Variants in SPOUT1 observed in about 807,000 individuals in gnomAD.
The protein encoded by SPOUT1 is 28S rRNA (uridine-N(3))-methyltransferase.
SPOUT1 carries 40 observed loss-of-function variants against 54.8 expected under a neutral mutation model. That is an observed-to-expected ratio of 0.73 (90% CI 0.57 to 0.95). The LOEUF (loss-of-function observed/expected upper bound fraction) is 0.95, where lower values mean the gene tolerates loss of function less well. Among genes scored for constraint, SPOUT1 ranks in the 40% least tolerant of loss-of-function variants. The probability of loss-of-function intolerance (pLI) is 0.00; values close to 1 mark genes in which losing one functional copy is unlikely to be tolerated. For missense variants in SPOUT1, 437 were observed against 499.5 expected (o/e 0.87, Z 1.19); for synonymous variants, 193 against 200.3 (o/e 0.96, Z 0.31).
chr9:128,821,575 AG>A lies in SPOUT1; in HGVS notation c.*1189del, dbSNP rs1401272687. The A allele has an allele frequency of 1.9e-5, 3 of 154,108 alleles. No individual in the cohort carries two copies. Among genetic ancestry groups the A allele is most frequent in the Non-Finnish European group, 2.9e-5 (2 of 69,624 alleles). 9.5% of individuals were successfully genotyped at this position (154,108 alleles called of 1,614,324 possible). Reference sequence around the variant, plus strand: ...TTGCTCCTGTGCAGCCCTGCCTCTCAGGTGGAAGCAACTGAGCACCTCTGGG... The same window carrying A: ...TTGCTCCTGTGCAGCCCTGCCTCTCAGTGGAAGCAACTGAGCACCTCTGGG... On this transcript the variant is annotated 3_prime_UTR_variant, in exon 12 of 12. Coordinates refer to ENST00000361256, the MANE Select transcript of SPOUT1 (RefSeq NM_016390.4).
chr9:128,822,525 T>C lies in SPOUT1; in HGVS notation c.*240A>G, dbSNP rs186499200. On this transcript the variant is annotated 3_prime_UTR_variant, in exon 12 of 12. Coordinates refer to ENST00000361256, the MANE Select transcript of SPOUT1 (RefSeq NM_016390.4). ...CGCTTCCTGGTGCCCATCGAGAGCA[T>C]TGAGCGGGCTTCGGGGCTGCTCTTT... 1.1e-4 allele frequency: 174 copies of C among 1,559,562 alleles called. No individual in the cohort carries two copies. The highest frequency in any genetic ancestry group is 8.1e-4 in the East Asian group (34 of 41,940).
chr9:128,828,397 G>A (rs757337737), intron 3 of SPOUT1, among the ~76,000 whole-genome samples: 1 of 151,818 alleles, frequency 6.6e-6, no homozygotes, highest in Non-Finnish European at 1.5e-5. Flanking sequence ...TCGGGGGGCC[G>A]AGGGAGGAAA....
At chr9:128,823,687 G>A (rs1450629925) in intron 11 of SPOUT1, 60 bp downstream of exon 11, 26 of 1,474,748 alleles carry the variant, frequency 1.8e-5, no homozygotes, top group African/African-American at 4.1e-5. Context: ...AGTAGCACCC[G>A]CCCCTCGGAC....
chr9:128,824,397 G>A (rs201593614), intron 9 of SPOUT1, among the ~76,000 whole-genome samples: 2 of 152,120 alleles, frequency 1.3e-5, no homozygotes, highest in East Asian at 3.9e-4. Flanking sequence ...GGGTAGAGCT[G>A]TTCCTGGAAA....
At chr9:128,823,626 G>A (rs1239505994) in intron 11 of SPOUT1, 121 bp downstream of exon 11, 18 of 848,184 alleles carry the variant, frequency 2.1e-5, no homozygotes, top group African/African-American at 3.4e-5. Flanking sequence ...GGGGATGAGA[G>A]GACCACCTCC....
Position 128,826,283 on chromosome 9 carries a change from G to C in SPOUT1, c.508+101C>G. 1 of 1,563,834 alleles carries C rather than the reference G, an allele frequency of 6.4e-7. No individual in the cohort carries two copies. The highest frequency in any genetic ancestry group is 1.1e-5 in the South Asian group (1 of 89,686). The stretch of plus-strand genomic sequence containing the variant: ...ATCAGACACAGGTCTTGCTCTCCCA[G>C]GCCTGCTTTCCCACCTGGACAGCGC... On this transcript the variant is annotated intron_variant, in intron 6 of 11. Coordinates refer to ENST00000361256, the MANE Select transcript of SPOUT1 (RefSeq NM_016390.4). The surrounding 1 kb of genome is among the most constrained non-coding windows in gnomAD (Gnocchi z 5.5).
intron 11 of SPOUT1, 38 bp from the exon 12 acceptor site, chr9:128,822,871 G>C: frequency 6.7e-7 from 1 of 1,481,950 alleles, no homozygotes; most frequent in Non-Finnish European, 9.2e-7. Context: ...GGGCCTGGGG[G>C]GCTAGCGGGT....
chr9:128,829,163 A>G lies in SPOUT1; in HGVS notation c.37-8T>C, dbSNP rs1264985944. 2.5e-6 allele frequency: 4 copies of G among 1,612,750 alleles called. No individual in the cohort carries two copies. Among genetic ancestry groups the G allele is most frequent in the Admixed American group, 3.3e-5 (2 of 59,994 alleles). On this transcript the variant is annotated splice_polypyrimidine_tract_variant and splice_region_variant and intron_variant, in intron 1 of 11. Transcript: ENST00000361256. Reference sequence around the variant, plus strand: ...CCTTTGGCCGTGTTCACCCTGGAGAAGGAGTGGTAGGAGGATTATGAGTGT... The same window carrying G: ...CCTTTGGCCGTGTTCACCCTGGAGAGGGAGTGGTAGGAGGATTATGAGTGT...
intron 1 of SPOUT1, 91 bp downstream of exon 1, chr9:128,829,654 G>T: frequency 1.0e-6 from 1 of 991,758 alleles, no homozygotes; most frequent in Non-Finnish European, 1.5e-6. Context: ...GCAGCAGGAG[G>T]CGCGGCCCGG....
chr9:128,820,891 T>C lies in SPOUT1; in HGVS notation c.*1874A>G, dbSNP rs2280845. On this transcript the variant is annotated 3_prime_UTR_variant, in exon 12 of 12. Transcript: ENST00000361256. ...GGGGCGGCAGAACCTCCCACTCACC[T>C]GAGGCCCCTACTGCCACTCACAGGG... 1,114,353 of 1,537,664 alleles carry C rather than the reference T, an allele frequency of 0.72. 410,645 individuals are homozygous for C. Among genetic ancestry groups the C allele is most frequent in the Admixed American group, 0.78 (41,300 of 52,694 alleles).
chr9:128,828,510 A>AG (rs397717418), intron 3 of SPOUT1, among the ~76,000 whole-genome samples: 35 of 142,278 alleles, frequency 2.5e-4, no homozygotes, highest in Non-Finnish European at 9.3e-5. Context: ...AAAAAAAAAA[A>AG]GAGAGATAAG....
Position 128,826,970 on chromosome 9 carries a change from G to A in SPOUT1, c.368+62C>T. On this transcript the variant is annotated intron_variant, in intron 4 of 11. Coordinates refer to ENST00000361256, the MANE Select transcript of SPOUT1 (RefSeq NM_016390.4). This position sits in a 1 kb window ranked among gnomAD's most constrained non-coding sequence, Gnocchi z 5.5. ...GTGGACGGGGCCATGGTGAAGCCTCGGCCCATCCCGGCAGCCCCTCCCTCT... is the reference window on the plus strand; with the variant it reads ...GTGGACGGGGCCATGGTGAAGCCTCAGCCCATCCCGGCAGCCCCTCCCTCT... 1 of 1,537,134 alleles carries A rather than the reference G, an allele frequency of 6.5e-7. No homozygotes were observed. Among genetic ancestry groups the A allele is most frequent in the Non-Finnish European group, 8.9e-7 (1 of 1,121,158 alleles).
rs1287987879 is a variant in SPOUT1, at chr9:128,822,105, T to C, written c.*660A>G. 1 of 593,334 alleles carries C rather than the reference T, an allele frequency of 1.7e-6. No individual in the cohort carries two copies. The highest frequency in any genetic ancestry group is 3.0e-6 in the Non-Finnish European group (1 of 335,296). The allele number at this position is 593,334 out of a possible 1,614,324, so 36.8% of individuals were successfully genotyped here. On this transcript the variant is annotated 3_prime_UTR_variant, in exon 12 of 12. Coordinates refer to ENST00000361256, the MANE Select transcript of SPOUT1 (RefSeq NM_016390.4). ...AGCGTTTATTGTCGCCCACTCTGCC[T>C]GACCCAGTGTTGGGCATAAGGAAAA...
Position 128,822,145 on chromosome 9 carries a change from T to C in SPOUT1, c.*620A>G. On this transcript the variant is annotated 3_prime_UTR_variant, in exon 12 of 12. Transcript: ENST00000361256. Reference sequence around the variant, plus strand: ...CATAAGGAAAACAGAGGGAAAGAGTTAACCACCCTGGAGAGAGTTCCAGCC... The same window carrying C: ...CATAAGGAAAACAGAGGGAAAGAGTCAACCACCCTGGAGAGAGTTCCAGCC... 1.5e-6 allele frequency: 1 copy of C among 689,646 alleles called. No individual in the cohort carries two copies. Among genetic ancestry groups the C allele is most frequent in the Non-Finnish European group, 2.4e-6 (1 of 419,768 alleles). 42.7% of individuals were successfully genotyped at this position (689,646 alleles called of 1,614,324 possible).
rs900037101 is a variant in SPOUT1 at position 128,829,736 on chromosome 9, C to T, written c.36+9G>A. 6.9e-6 allele frequency: 11 copies of T among 1,597,322 alleles called. No homozygotes were observed. The highest frequency in any genetic ancestry group is 1.1e-5 in the South Asian group (1 of 88,704). ...CTGCCCTGCACGGGGTCCCGCCGCC[C>T]GCACTTACCGGGCCGCACGGCCGCT... On this transcript the variant is annotated intron_variant, in intron 1 of 11. Coordinates refer to ENST00000361256, the MANE Select transcript of SPOUT1 (RefSeq NM_016390.4).
At chr9:128,827,263 T>G in intron 3 of SPOUT1, 72 bp from the exon 4 acceptor site, 1 of 1,393,756 alleles carries the variant, frequency 7.2e-7, no homozygotes, top group Non-Finnish European at 9.7e-7. Flanking sequence ...CCTTCCTCTG[T>G]CCCTAGCGCC....
In SPOUT1 at chr9:128,823,902, ATG is replaced by A. The variant is rs763393625; in HGVS notation, c.915-10_915-9del. ...AACACCACAAGAGCATGCCTGGCCC[ATG>A]TAAGAGGGGGTCACCTGAGCGGCCA... On this transcript the variant is annotated splice_polypyrimidine_tract_variant and intron_variant, in intron 10 of 11. Transcript: ENST00000361256. The A allele has an allele frequency of 6.2e-7, 1 of 1,612,478 alleles. No homozygotes were observed. The highest frequency in any genetic ancestry group is 8.5e-7 in the Non-Finnish European group (1 of 1,179,542).
rs753043115 is a variant in SPOUT1 at position 128,824,952 on chromosome 9, A to G, written c.712+25T>C. ...ACCCTGGAGCTCATCAGGCCAACCCAGGGGTTGGGGAACCTTCCAGATACC... is the reference window on the plus strand; with the variant it reads ...ACCCTGGAGCTCATCAGGCCAACCCGGGGGTTGGGGAACCTTCCAGATACC... On this transcript the variant is annotated intron_variant, in intron 8 of 11. Coordinates refer to ENST00000361256, the MANE Select transcript of SPOUT1 (RefSeq NM_016390.4). 6.9e-6 allele frequency: 11 copies of G among 1,599,280 alleles called. 1 individual carries two copies. In the South Asian group the frequency reaches 1.2e-4, roughly 18 times the overall value.
Position 128,821,047 on chromosome 9 carries a change from AC to A in SPOUT1, c.*1717del, listed in dbSNP as rs1183232413. The stretch of plus-strand genomic sequence containing the variant: ...GCCAAAGACCTGTCGGGTACCCCTG[AC>A]CATCTCTCCTCTGCCCATGGGCAGC... On this transcript the variant is annotated 3_prime_UTR_variant, in exon 12 of 12. Transcript: ENST00000361256. The A allele has an allele frequency of 2.9e-5, 17 of 591,154 alleles. No individual in the cohort carries two copies. The highest frequency in any genetic ancestry group is 4.5e-5 in the Non-Finnish European group (15 of 331,730). The allele number at this position is 591,154 out of a possible 1,614,324, so 36.6% of individuals were successfully genotyped here.
Sources: gnomAD v4.1 joint callset for allele counts (sites outside exome capture counted in the v4.1 genomes callset) on GRCh38, gnomAD v4.1.1 for gene constraint, Gnocchi (gnomAD v3.1) non-coding constraint, MANE v1.5 for transcripts, NCBI Gene and HGNC (gene_info 2026-07-23, HGNC 2026-07-21) for gene names.